CD247: variants seen among roughly 807,000 people sequenced by gnomAD.
The protein encoded by CD247 is T-cell surface glycoprotein CD3 zeta chain.
Under a neutral mutation model 30.0 loss-of-function variants are expected in CD247, and 13 were observed. The ratio of observed to expected loss-of-function variants is 0.43; its 90% CI spans 0.28 to 0.69. The LOEUF is 0.69. CD247 is among the 30% of genes least tolerant of loss of function. CD247 has a pLI of 0.16. For synonymous variants in CD247, 72 were observed against 80.0 expected, an observed-to-expected ratio of 0.90 and a Z score of 0.53; for missense variants, 193 against 212.6, an observed-to-expected ratio of 0.91 and a Z score of 0.57.
chr1:167,481,623 G>C (rs1470272637), intron 1 of CD247, among the ~76,000 whole-genome samples: 1 of 152,176 alleles, frequency 6.6e-6, no homozygotes, highest in East Asian at 1.9e-4. Flanking sequence ...CATTTCTTGA[G>C]GACAGATGCA....
At chr1:167,448,183 G>A (rs377565092) in intron 1 of CD247, among the ~76,000 whole-genome samples, 2 of 152,216 alleles carry the variant, frequency 1.3e-5, no homozygotes, top group Non-Finnish European at 2.9e-5. Context: ...GGAACCACAC[G>A]TGTGAGTTTT....
chr1:167,449,149 C>CTTTTTTTTTTTTCTTTT (rs755463661), intron 1 of CD247, among the ~76,000 whole-genome samples: 9 of 66,422 alleles, frequency 1.4e-4, no homozygotes, highest in African/African-American at 4.5e-4. Flanking sequence ...TTTTTCTTTT[C>CTTTTTTTTTTTTCTTTT]TTTTTTTTTT....
chr1:167,460,747 AC>A (rs1652966354), intron 1 of CD247, among the ~76,000 whole-genome samples: 1 of 151,512 alleles, frequency 6.6e-6, no homozygotes, highest in Admixed American at 6.6e-5. Context: ...CAGCCCCCTG[AC>A]CCCCCGACAG....
intron 1 of CD247, among the ~76,000 whole-genome samples, chr1:167,478,472 T>A (rs1653843489): frequency 6.6e-6 from 1 of 152,172 alleles, no homozygotes; most frequent in Non-Finnish European, 1.5e-5. Context: ...TGGACTTGTG[T>A]ATGTGTGTGT....
At chr1:167,490,690 T>G (rs909869608) in intron 1 of CD247, among the ~76,000 whole-genome samples, 1 of 152,112 alleles carries the variant, frequency 6.6e-6, no homozygotes, top group African/African-American at 2.4e-5. Flanking sequence ...CCCAGCCCTT[T>G]GGGAGGCTGA....
At chr1:167,487,954 G>C (rs891621212) in intron 1 of CD247, among the ~76,000 whole-genome samples, 6 of 152,146 alleles carry the variant, frequency 3.9e-5, no homozygotes, top group African/African-American at 1.4e-4. Context: ...GCCCAGGTCA[G>C]TATTGAACTC....
intron 1 of CD247, chr1:167,458,489 A>G (rs1652819348): frequency 6.6e-6 from 1 of 152,272 alleles, no homozygotes; most frequent in African/African-American, 2.4e-5. Context: ...AGGGGCTGCC[A>G]GGTTTCTGCG....
At chr1:167,501,631 A>G (rs1030257476) in intron 1 of CD247, among the ~76,000 whole-genome samples, 3 of 152,258 alleles carry the variant, frequency 2.0e-5, no homozygotes, top group Non-Finnish European at 4.4e-5. Context: ...TTCAAGGAGA[A>G]CGTATTTGCA....
chr1:167,430,845 G>A lies in CD247; in HGVS notation c.*836C>T, dbSNP rs1281138032. ...GGCAGTTATAGGTCCCATGTGTTGG[G>A]TCTTCCTGCGAGGCCTTCACAAAGA... On this transcript the variant is annotated 3_prime_UTR_variant, in exon 8 of 8. Coordinates refer to ENST00000362089, the MANE Select transcript of CD247 (RefSeq NM_198053.3). 1 of 398,702 alleles carries A rather than the reference G, an allele frequency of 2.5e-6. No individual in the cohort carries two copies. The highest frequency in any genetic ancestry group is 3.6e-5 in the East Asian group (1 of 28,090). The allele number at this position is 398,702 out of a possible 1,614,324, so 24.7% of individuals were successfully genotyped here.
Position 167,496,021 on chromosome 1 carries a change from A to G in CD247, c.58+22387T>C, listed in dbSNP as rs75790745. On this transcript the variant is annotated intron_variant, in intron 1 of 7. Coordinates refer to ENST00000362089, the MANE Select transcript of CD247 (RefSeq NM_198053.3). ...GTCTCCGTCTTTAATTGTTAGTTCT[A>G]TATGGGATCTGGGATTTTGTTGCTG... Among the ~76,000 whole-genome samples the G allele has an allele frequency of 2.8e-3, 423 of 152,162 alleles. 3 individuals carry two copies. The highest frequency in any genetic ancestry group is 9.5e-3 in the African/African-American group (395 of 41,500).
intron 1 of CD247, among the ~76,000 whole-genome samples, chr1:167,491,755 G>A (rs1031662766): frequency 3.3e-5 from 5 of 152,138 alleles, no homozygotes; most frequent in African/African-American, 9.7e-5. Context: ...AGCAAAATGC[G>A]GCAGATGCAT....
intron 1 of CD247, among the ~76,000 whole-genome samples, chr1:167,502,253 G>A (rs1278968827): frequency 6.6e-6 from 1 of 152,236 alleles, no homozygotes; most frequent in Non-Finnish European, 1.5e-5. Flanking sequence ...GAGCCACGGT[G>A]TGGTGCACGG....
At chr1:167,515,165 A>T (rs1296221468) in intron 1 of CD247, among the ~76,000 whole-genome samples, 1 of 152,186 alleles carries the variant, frequency 6.6e-6, no homozygotes, top group Non-Finnish European at 1.5e-5. Context: ...TGATGGTGAA[A>T]ATGCCATTGA....
At chr1:167,439,120 T>A (rs754452839) in intron 3 of CD247, among the ~76,000 whole-genome samples, 1 of 152,160 alleles carries the variant, frequency 6.6e-6, no homozygotes, top group South Asian at 2.1e-4. Flanking sequence ...GTTCCATGCA[T>A]CAAGACATTA....
intron 1 of CD247, among the ~76,000 whole-genome samples, chr1:167,453,677 A>T (rs1056701663): frequency 1.3e-5 from 2 of 152,326 alleles, no homozygotes; most frequent in African/African-American, 2.4e-5. Flanking sequence ...ATTAGGTTTT[A>T]AAAAAGGTGG....
intron 2 of CD247, chr1:167,439,628 C>G (rs55731916): frequency 1.7e-6 from 1 of 583,966 alleles, no homozygotes; most frequent in African/African-American, 1.9e-5. Context: ...GCATTCATCA[C>G]GCTGGCCCAG....
At chr1:167,456,597 G>C (rs1462590667) in intron 1 of CD247, among the ~76,000 whole-genome samples, 1 of 152,132 alleles carries the variant, frequency 6.6e-6, no homozygotes, top group African/African-American at 2.4e-5. Flanking sequence ...CCGGCCCAGG[G>C]GTCTGCCTTG....
At chr1:167,461,865 C>T (rs1653030618) in intron 1 of CD247, among the ~76,000 whole-genome samples, 1 of 152,100 alleles carries the variant, frequency 6.6e-6, no homozygotes, top group Non-Finnish European at 1.5e-5. Flanking sequence ...AGTCAAAGTA[C>T]ATTTTTGATG....
intron 1 of CD247, among the ~76,000 whole-genome samples, chr1:167,511,053 T>A (rs1400791848): frequency 6.6e-6 from 1 of 152,216 alleles, no homozygotes. Flanking sequence ...TTGCACTACC[T>A]GCACCGAGCC....
Sources: allele counts gnomAD v4.1 joint callset (sites outside exome capture counted in the v4.1 genomes callset), GRCh38; gene constraint gnomAD v4.1.1; transcripts MANE v1.5; gene names NCBI Gene and HGNC (gene_info 2026-07-23, HGNC 2026-07-21).